ANKRD30BL: variants seen among roughly 807,000 people sequenced by gnomAD.
ANKRD30BL encodes putative ankyrin repeat domain-containing protein 30B-like.
ANKRD30BL carries 20 observed loss-of-function variants against 18.4 expected under a neutral mutation model. That is an observed-to-expected ratio of 1.09 (90% CI 0.77 to 1.58). The LOEUF is 1.58. Among genes scored for constraint, ANKRD30BL ranks in the 40% most tolerant of loss-of-function variants. The probability of loss-of-function intolerance (pLI) is 0.00; values close to 1 mark genes in which losing one functional copy is unlikely to be tolerated. For missense variants in ANKRD30BL, 224 were observed against 268.6 expected (o/e 0.83, Z 1.16); for synonymous variants, 72 against 100.9 (o/e 0.71, Z 1.72).
At chr2:132,209,000 T>C (rs1216376776) in intron 1 of ANKRD30BL, among the ~76,000 whole-genome samples, 2 of 151,946 alleles carry the variant, frequency 1.3e-5, no homozygotes, top group Non-Finnish European at 2.9e-5. Context: ...GGTGGAAAAG[T>C]AAATATCTTC....
chr2:132,238,780 G>A (rs998786512), intron 1 of ANKRD30BL, among the ~76,000 whole-genome samples: 2 of 151,934 alleles, frequency 1.3e-5, no homozygotes, highest in South Asian at 2.1e-4. Flanking sequence ...CATTGGAAAC[G>A]GGAATATTTT....
At chr2:132,151,079 G>A (rs1687742714) in intron 4 of ANKRD30BL, 103 bp from the exon 5 acceptor site, 1 of 433,818 alleles carries the variant, frequency 2.3e-6, no homozygotes, top group African/African-American at 2.1e-5. Flanking sequence ...CAATATTAGA[G>A]CTAACATCAG....
At chr2:132,227,770 G>A (rs1187409703) in intron 1 of ANKRD30BL, among the ~76,000 whole-genome samples, 1 of 152,062 alleles carries the variant, frequency 6.6e-6, no homozygotes, top group Non-Finnish European at 1.5e-5. Flanking sequence ...TGTGATGTGT[G>A]CCTTCAACTC....
At chr2:132,188,085 T>G (rs1424167866) in intron 1 of ANKRD30BL, among the ~76,000 whole-genome samples, 2 of 152,160 alleles carry the variant, frequency 1.3e-5, no homozygotes, top group Non-Finnish European at 2.9e-5. Context: ...TTAGCTAATT[T>G]AATGTATTTT....
At chr2:132,253,646 G>T (rs956503094) in intron 1 of ANKRD30BL, among the ~76,000 whole-genome samples, 6 of 152,060 alleles carry the variant, frequency 3.9e-5, no homozygotes, top group Non-Finnish European at 8.8e-5. Flanking sequence ...CCGGGGGGAC[G>T]GAGTCGGCAG....
intron 1 of ANKRD30BL, among the ~76,000 whole-genome samples, chr2:132,188,321 A>G (rs1378501563): frequency 2.6e-5 from 4 of 152,190 alleles, no homozygotes; most frequent in Admixed American, 2.6e-4. Flanking sequence ...TCGAATCTCA[A>G]AATAGTGGAA....
chr2:132,171,734 C>T (rs1162330794), intron 1 of ANKRD30BL, among the ~76,000 whole-genome samples: 1 of 152,170 alleles, frequency 6.6e-6, no homozygotes, highest in Admixed American at 6.6e-5. Flanking sequence ...AATACACATA[C>T]TGTACAATTT....
At chr2:132,207,946 C>T (rs1389233730) in intron 1 of ANKRD30BL, among the ~76,000 whole-genome samples, 1 of 152,166 alleles carries the variant, frequency 6.6e-6, no homozygotes, top group Non-Finnish European at 1.5e-5. Context: ...ATTGAGCATT[C>T]CTTCTTATTA....
intron 1 of ANKRD30BL, among the ~76,000 whole-genome samples, chr2:132,242,198 T>C (rs1223227552): frequency 6.6e-6 from 1 of 151,736 alleles, no homozygotes; most frequent in African/African-American, 2.4e-5. Flanking sequence ...CGGGAATACC[T>C]TCAGATAAAA....
intron 1 of ANKRD30BL, among the ~76,000 whole-genome samples, chr2:132,224,447 A>C (rs886902832): frequency 6.6e-6 from 1 of 152,048 alleles, no homozygotes; most frequent in South Asian, 2.1e-4. Flanking sequence ...GACCGCTTTG[A>C]GGCCTTTGTT....
intron 1 of ANKRD30BL, among the ~76,000 whole-genome samples, chr2:132,209,272 T>C (rs1047340413): frequency 1.3e-5 from 2 of 152,086 alleles, no homozygotes; most frequent in African/African-American, 4.8e-5. Context: ...ATTGAGCAGT[T>C]TTGAAACACT....
At chr2:132,229,255 G>A (rs78908656) in intron 1 of ANKRD30BL, among the ~76,000 whole-genome samples, 3,666 of 151,694 alleles carry the variant, frequency 0.024, 65 homozygotes, top group African/African-American at 0.036. Context: ...GAGTGCCTTC[G>A]GGTCTACCGT....
intron 1 of ANKRD30BL, among the ~76,000 whole-genome samples, chr2:132,169,841 A>G (rs1290276786): frequency 6.6e-5 from 10 of 152,126 alleles, no homozygotes; most frequent in Admixed American, 6.5e-4. Context: ...TTTACTATAT[A>G]AATTAAACAG....
upstream of ANKRD30BL, among the ~76,000 whole-genome samples, chr2:132,163,838 T>C (rs183880558): frequency 1.3e-5 from 2 of 152,340 alleles, no homozygotes; most frequent in Admixed American, 6.5e-5. Context: ...AATTGAAGAC[T>C]TGAGTGTTAG....
chr2:132,230,417 T>TTA (rs2104781836), intron 1 of ANKRD30BL, among the ~76,000 whole-genome samples: 1 of 151,548 alleles, frequency 6.6e-6, no homozygotes, highest in East Asian at 2.0e-4. Flanking sequence ...TCTTTTTGTA[T>TTA]TATATGCAAG....
chr2:132,251,801 C>A (rs906498181), intron 1 of ANKRD30BL, among the ~76,000 whole-genome samples: 1 of 152,266 alleles, frequency 6.6e-6, no homozygotes, highest in Non-Finnish European at 1.5e-5. Context: ...CTCTTTCTCT[C>A]TGTTTTCCAT....
chr2:132,246,265 C>T lies in ANKRD30BL; in HGVS notation n.441+11264G>A, dbSNP rs368294088. Among the ~76,000 whole-genome samples the T allele has an allele frequency of 6.6e-5, 10 of 151,426 alleles. No individual in the cohort carries two copies. The East Asian group carries it at 7.8e-4, about 12-fold the overall frequency. ...AGAATCTATAAATGGAAACTTGGAG[C>T]GCTTTGAGGTGTACGGTGAAAAAGG... On this transcript the variant is annotated intron_variant and non_coding_transcript_variant, in intron 1 of 4. Coordinates refer to the ANKRD30BL transcript ENST00000470729.
intron 1 of ANKRD30BL, among the ~76,000 whole-genome samples, chr2:132,202,194 T>C (rs1162276012): frequency 1.3e-5 from 2 of 152,056 alleles, no homozygotes; most frequent in Non-Finnish European, 2.9e-5. Context: ...TAATGCTAGA[T>C]GACGAGTTAG....
intron 1 of ANKRD30BL, among the ~76,000 whole-genome samples, chr2:132,208,011 C>A (rs1259790839): frequency 6.6e-6 from 1 of 152,058 alleles, no homozygotes; most frequent in Non-Finnish European, 1.5e-5. Flanking sequence ...AATTTTTGTA[C>A]AAAAGGCTTT....
Sources: allele counts gnomAD v4.1 joint callset (sites outside exome capture counted in the v4.1 genomes callset), GRCh38; gene constraint gnomAD v4.1.1; transcripts MANE v1.5; gene names NCBI Gene and HGNC (gene_info 2026-07-23, HGNC 2026-07-21).